Variants in EREG observed in about 807,000 individuals in gnomAD.
EREG encodes epiregulin, also known as proepiregulin.
Under a neutral mutation model 22.4 loss-of-function variants are expected in EREG, and 23 were observed. The observed-to-expected ratio is 1.03, with a 90% CI of 0.74 to 1.46. The LOEUF (loss-of-function observed/expected upper bound fraction) is 1.46. Among genes scored for constraint, EREG ranks in the 40% most tolerant of loss-of-function variants. EREG has a pLI of 0.00. For missense variants in EREG, 226 were observed against 205.9 expected (o/e 1.10, Z -0.60); for synonymous variants, 100 against 75.4 (o/e 1.33, Z -1.69).
At chr4:74,365,527 C>G (rs1460006) in intron 1 of EREG, 152 bp downstream of exon 1, 175,011 of 216,278 alleles carry the variant, frequency 0.81, 70,907 homozygotes, top group African/African-American at 0.88. Flanking sequence ...TCTGTCTTCC[C>G]CTATGGTGGG....
intron 3 of EREG, chr4:74,381,593 G>C (rs1030172904): frequency 6.6e-6 from 1 of 152,208 alleles, no homozygotes; most frequent in African/African-American, 2.4e-5. Context: ...GCAGAGCAGG[G>C]AGGACTTCTG....
In EREG at chr4:74,384,846, G is replaced by A; in HGVS notation, c.*38G>A. On this transcript the variant is annotated 3_prime_UTR_variant, in exon 5 of 5. Transcript: ENST00000244869. ...AACTTATGGGCAGGGATAACAGTGT[G>A]CCTGGTTAATATTAATATTCCCATT... 2 of 1,258,830 alleles carry A rather than the reference G, an allele frequency of 1.6e-6. No homozygotes were observed. The highest frequency in any genetic ancestry group is 2.3e-6 in the Non-Finnish European group (2 of 864,854). The allele number at this position is 1,258,830 out of a possible 1,614,324, so 78.0% of individuals were successfully genotyped here.
At chr4:74,384,558 CT>C (rs1752536564) in intron 4 of EREG, among the ~76,000 whole-genome samples, 168 bp from the exon 5 acceptor site, 1 of 133,820 alleles carries the variant, frequency 7.5e-6, no homozygotes, top group Non-Finnish European at 1.6e-5. Flanking sequence ...AGCACATCAC[CT>C]CTTCATCCCT....
Position 74,370,935 on chromosome 4 carries a change from C to A in EREG, c.67+5560C>A, listed in dbSNP as rs150582736. On this transcript the variant is annotated intron_variant, in intron 1 of 4. Coordinates refer to ENST00000244869, the MANE Select transcript of EREG (RefSeq NM_001432.3). Reference sequence around the variant, plus strand: ...TGAGTCTAATGCAGGGTTTTTCAACCTTGTCTCAGTTGACATTAGGGACTA... The same window carrying A: ...TGAGTCTAATGCAGGGTTTTTCAACATTGTCTCAGTTGACATTAGGGACTA... Among the ~76,000 whole-genome samples the A allele has an allele frequency of 3.3e-3, 498 of 152,234 alleles. 1 individual carries two copies. The highest frequency in any genetic ancestry group is 0.011 in the African/African-American group (471 of 41,542).
At position 74,378,392 on chromosome 4, in the gene EREG, G is replaced by A. The variant is rs564143373; in HGVS notation, c.68-1056G>A. Among the ~76,000 whole-genome samples the A allele has an allele frequency of 2.6e-5, 4 of 152,278 alleles. No homozygotes were observed. The East Asian group carries it at 7.7e-4, about 29-fold the overall frequency. ...ATTCTCAAAAGACAACCTTTAGGGT[G>A]TAGAAAAAGCAAGCTTAACACACAT... On this transcript the variant is annotated intron_variant, in intron 1 of 4. Coordinates refer to ENST00000244869, the MANE Select transcript of EREG (RefSeq NM_001432.3).
At chr4:74,381,235 G>T (rs1752469414) in intron 3 of EREG, 98 bp downstream of exon 3, 1 of 1,071,740 alleles carries the variant, frequency 9.3e-7, no homozygotes, top group Non-Finnish European at 1.4e-6. Context: ...TTCAGTAGTG[G>T]TGAAGTCTGA....
rs1752610901 is a variant in EREG at position 74,388,576 on chromosome 4, A to G, written c.*3768A>G. ...ATTTGACTATGAATGTTATCGGATT[A>G]CTGAATTGTATCAATTTGTTTGTGT... On this transcript the variant is annotated 3_prime_UTR_variant, in exon 5 of 5. Coordinates refer to ENST00000244869, the MANE Select transcript of EREG (RefSeq NM_001432.3). 1.3e-5 allele frequency: 2 copies of G among 152,638 alleles called. No homozygotes were observed. Among genetic ancestry groups the G allele is most frequent in the Non-Finnish European group, 2.9e-5 (2 of 68,028 alleles). 9.5% of individuals were successfully genotyped at this position (152,638 alleles called of 1,614,324 possible).
chr4:74,368,864 G>A (rs1752244478), intron 1 of EREG, among the ~76,000 whole-genome samples: 1 of 152,158 alleles, frequency 6.6e-6, no homozygotes, highest in Non-Finnish European at 1.5e-5. Flanking sequence ...TCCTCAGGGA[G>A]GAGTAGTCTG....
chr4:74,379,411 C>A, intron 1 of EREG, 37 bp from the exon 2 acceptor site: 1 of 1,226,142 alleles, frequency 8.2e-7, no homozygotes, highest in Non-Finnish European at 1.2e-6. Context: ...CTTTCCTTAA[C>A]ACATTAGTTA....
Position 74,385,792 on chromosome 4 carries a change from T to C in EREG, c.*984T>C. 2.5e-6 allele frequency: 1 copy of C among 394,564 alleles called. No homozygotes were observed. Among genetic ancestry groups the C allele is most frequent in the Non-Finnish European group, 4.5e-6 (1 of 223,348 alleles). 24.4% of individuals were successfully genotyped at this position (394,564 alleles called of 1,614,324 possible). A position where few individuals can be genotyped will look rare whatever the true frequency, so the allele number is the denominator to read the frequency against. On this transcript the variant is annotated 3_prime_UTR_variant, in exon 5 of 5. Coordinates refer to ENST00000244869, the MANE Select transcript of EREG (RefSeq NM_001432.3). ...AATAATTCTACATGTTGTCTTAAGATGGAAATACAGTTATTTCATCTTTTA... is the reference window on the plus strand; with the variant it reads ...AATAATTCTACATGTTGTCTTAAGACGGAAATACAGTTATTTCATCTTTTA...
intron 1 of EREG, among the ~76,000 whole-genome samples, chr4:74,378,508 C>G (rs559946396): frequency 6.6e-6 from 1 of 152,162 alleles, no homozygotes; most frequent in African/African-American, 2.4e-5. Context: ...TCGTTATTCC[C>G]CAAAGCAATT....
At chr4:74,384,486 T>C (rs1307621415) in intron 4 of EREG, among the ~76,000 whole-genome samples, 1 of 152,170 alleles carries the variant, frequency 6.6e-6, no homozygotes, top group Non-Finnish European at 1.5e-5. Context: ...ATGATCACGT[T>C]AAAGACTTTG....
At chr4:74,382,825 T>G in intron 4 of EREG, 31 bp downstream of exon 4, 1 of 1,566,210 alleles carries the variant, frequency 6.4e-7, no homozygotes, top group Non-Finnish European at 8.7e-7. Flanking sequence ...ACTCTGCTTT[T>G]ACAAATTACT....
At chr4:74,383,056 A>T (rs1215081248) in intron 4 of EREG, among the ~76,000 whole-genome samples, 2 of 152,228 alleles carry the variant, frequency 1.3e-5, no homozygotes, top group Non-Finnish European at 2.9e-5. Context: ...ATAACTTGAA[A>T]TTATTTTTTA....
rs192029574 is a variant in EREG at position 74,373,125 on chromosome 4, A to G, written c.68-6323A>G. Among the ~76,000 whole-genome samples the G allele has an allele frequency of 2.5e-3, 385 of 151,992 alleles. 2 individuals are homozygous for G. The highest frequency in any genetic ancestry group is 7.9e-3 in the African/African-American group (327 of 41,436). On this transcript the variant is annotated intron_variant, in intron 1 of 4. Transcript: ENST00000244869. The stretch of plus-strand genomic sequence containing the variant: ...TAAGAGTTGGTATGTATTCTCCTGC[A>G]TTCTGGAAATACTTCCGTTATGAAC...
chr4:74,381,402 G>A (rs547113751), intron 3 of EREG: 3 of 248,996 alleles, frequency 1.2e-5, no homozygotes, highest in Non-Finnish European at 2.3e-5. Context: ...GCTCCCACTT[G>A]TGAGAACATG....
chr4:74,373,415 AT>A (rs1752326622), intron 1 of EREG, among the ~76,000 whole-genome samples: 1 of 151,884 alleles, frequency 6.6e-6, no homozygotes, highest in Non-Finnish European at 1.5e-5. Context: ...AAAACTCAAA[AT>A]TAAAATAATT....
chr4:74,387,781 T>A lies in EREG; in HGVS notation c.*2973T>A, dbSNP rs1396114749. 1 of 152,178 alleles carries A rather than the reference T, an allele frequency of 6.6e-6. No homozygotes were observed. The highest frequency in any genetic ancestry group is 1.9e-4 in the East Asian group (1 of 5,198). 9.4% of individuals were successfully genotyped at this position (152,178 alleles called of 1,614,324 possible). On this transcript the variant is annotated 3_prime_UTR_variant, in exon 5 of 5. Coordinates refer to ENST00000244869, the MANE Select transcript of EREG (RefSeq NM_001432.3). ...TATTGAGAACCAAAGCAACCACAAA[T>A]GCATAAATGCATAATTTATGGTCTT...
Position 74,384,988 on chromosome 4 carries a change from T to C in EREG, c.*180T>C, listed in dbSNP as rs1752546733. On this transcript the variant is annotated 3_prime_UTR_variant, in exon 5 of 5. Transcript: ENST00000244869. The stretch of plus-strand genomic sequence containing the variant: ...TGACAGACTATTTGCTAATGTATAA[T>C]GTGCAGAAAATATTTAATATCAAAA... 2.2e-6 allele frequency: 1 copy of C among 464,684 alleles called. No individual in the cohort carries two copies. Among genetic ancestry groups the C allele is most frequent in the East Asian group, 3.2e-5 (1 of 30,920 alleles). The allele number at this position is 464,684 out of a possible 1,614,324, so 28.8% of individuals were successfully genotyped here. A position where few individuals can be genotyped will look rare whatever the true frequency, so the allele number is the denominator to read the frequency against.
Sources: gnomAD v4.1 joint callset for allele counts (sites outside exome capture counted in the v4.1 genomes callset) on GRCh38, gnomAD v4.1.1 for gene constraint, MANE v1.5 for transcripts, NCBI Gene and HGNC (gene_info 2026-07-23, HGNC 2026-07-21) for gene names.